The following NAP1L1 variants were observed in gnomAD, a reference collection of about 807,000 sequenced individuals.
NAP1L1 encodes the protein nucleosome assembly protein 1-like 1.
In NAP1L1, 9 loss-of-function variants were observed where a neutral mutation model predicts 58.9. The observed-to-expected ratio is 0.15, with a 90% CI of 0.09 to 0.27. NAP1L1 has a LOEUF of 0.27. NAP1L1 is among the 10% of genes least tolerant of loss of function. The pLI is 1.00. For synonymous variants in NAP1L1, 130 were observed against 138.3 expected, an observed-to-expected ratio of 0.94 and a Z score of 0.42; for missense variants, 302 against 458.8, an observed-to-expected ratio of 0.66 and a Z score of 3.12.
intron 2 of NAP1L1, among the ~76,000 whole-genome samples, chr12:76,070,858 T>A (rs1949921799): frequency 6.6e-6 from 1 of 152,172 alleles, no homozygotes; most frequent in African/African-American, 2.4e-5. Context: ...ATATACCATA[T>A]AAACGTTATG....
chr12:76,048,382 T>C lies in NAP1L1; in HGVS notation c.*47A>G. 6.3e-7 allele frequency: 1 copy of C among 1,598,124 alleles called. No individual in the cohort carries two copies. The highest frequency in any genetic ancestry group is 8.6e-7 in the Non-Finnish European group (1 of 1,168,970). On this transcript the variant is annotated 3_prime_UTR_variant, in exon 15 of 15. Transcript: ENST00000618691. ...GCTGTAAGTAAATAAGAGTTGTGTT[T>C]AGGCTATTACAGTGCAGGTTATCCT...
chr12:76,046,453 A>G lies in NAP1L1; in HGVS notation c.*1976T>C, dbSNP rs1948609440. On this transcript the variant is annotated 3_prime_UTR_variant, in exon 15 of 15. Coordinates refer to ENST00000618691, the MANE Select transcript of NAP1L1 (RefSeq NM_004537.7). ...ATTAAAAATGGGATTCTATCTTTGA[A>G]GTTCAGAAAAAGCTGCATTTCGATG... 6.6e-6 allele frequency: 1 copy of G among 152,404 alleles called. No homozygotes were observed. Among genetic ancestry groups the G allele is most frequent in the African/African-American group, 2.4e-5 (1 of 41,438 alleles). 9.4% of individuals were successfully genotyped at this position (152,404 alleles called of 1,614,324 possible).
At chr12:76,081,447 T>C (rs544487388) in intron 1 of NAP1L1, among the ~76,000 whole-genome samples, 28 of 152,260 alleles carry the variant, frequency 1.8e-4, no homozygotes, top group Non-Finnish European at 3.1e-4. Flanking sequence ...ACTGAAATTA[T>C]AACTCTAGAC....
chr12:76,052,321 T>C (rs1948881494), intron 11 of NAP1L1, among the ~76,000 whole-genome samples: 1 of 152,018 alleles, frequency 6.6e-6, no homozygotes, highest in African/African-American at 2.4e-5. Context: ...GATATGAAAA[T>C]AGTGTGATGC....
At position 76,042,164 on chromosome 12, in the gene NAP1L1, A is replaced by G. The variant is rs1413327578; in HGVS notation, c.*6265T>C. 1 of 152,142 alleles carries G rather than the reference A, an allele frequency of 6.6e-6. No homozygotes were observed. Among genetic ancestry groups the G allele is most frequent in the Non-Finnish European group, 1.5e-5 (1 of 68,024 alleles). 9.4% of individuals were successfully genotyped at this position (152,142 alleles called of 1,614,324 possible). On this transcript the variant is annotated 3_prime_UTR_variant, in exon 15 of 15. Coordinates refer to ENST00000618691, the MANE Select transcript of NAP1L1 (RefSeq NM_004537.7). ...ATGTACACTGAGTAATGCATCCCTT[A>G]CACCTAGGAGGAATTTTGCCTTTGA...
chr12:76,056,305 T>A, intron 6 of NAP1L1, 144 bp from the exon 7 acceptor site: 1 of 754,514 alleles, frequency 1.3e-6, no homozygotes, highest in Non-Finnish European at 2.1e-6. Context: ...CCGTTGCCCA[T>A]AACAAACCTT....
chr12:76,057,603 GT>G, intron 6 of NAP1L1: 1 of 1,153,606 alleles, frequency 8.7e-7, no homozygotes, highest in Non-Finnish European at 1.3e-6. Flanking sequence ...ACAGAGCCAA[GT>G]TAGATGCTGA....
rs1948573152 is a variant in NAP1L1 at position 76,043,793 on chromosome 12, TCATA to T, written c.*4632_*4635del. On this transcript the variant is annotated 3_prime_UTR_variant, in exon 15 of 15. Coordinates refer to ENST00000618691, the MANE Select transcript of NAP1L1 (RefSeq NM_004537.7). The stretch of plus-strand genomic sequence containing the variant: ...GATTCTCAAAATCTCAGCTAAAAGC[TCATA>T]CAAATTTTGAGCCTTCTGGTAGCAA... 6.6e-6 allele frequency: 1 copy of T among 152,268 alleles called. No homozygotes were observed. The highest frequency in any genetic ancestry group is 2.1e-4 in the South Asian group (1 of 4,824). The allele number at this position is 152,268 out of a possible 1,614,324, so 9.4% of individuals were successfully genotyped here.
At chr12:76,073,527 G>A (rs1950054589) in intron 2 of NAP1L1, among the ~76,000 whole-genome samples, 1 of 152,134 alleles carries the variant, frequency 6.6e-6, no homozygotes, top group Non-Finnish European at 1.5e-5. Context: ...CAAAACTTGA[G>A]GCCAGACTAT....
At chr12:76,060,732 GA>G (rs1188925105) in intron 4 of NAP1L1, among the ~76,000 whole-genome samples, 1 of 152,048 alleles carries the variant, frequency 6.6e-6, no homozygotes, top group Non-Finnish European at 1.5e-5. Context: ...ATTTAATTAG[GA>G]ATTAGTAATT....
chr12:76,082,225 C>T (rs147026646), intron 1 of NAP1L1, among the ~76,000 whole-genome samples: 1 of 152,034 alleles, frequency 6.6e-6, no homozygotes, highest in Non-Finnish European at 1.5e-5. Context: ...CTTCTTTAGC[C>T]CCTTCTACAA....
intron 12 of NAP1L1, 75 bp from the exon 13 acceptor site, chr12:76,049,860 A>T (rs1948739966): frequency 2.0e-6 from 3 of 1,493,372 alleles, no homozygotes; most frequent in Non-Finnish European, 2.8e-6. Context: ...AACATTTATC[A>T]CTGTATAAAC....
At chr12:76,055,727 G>C (rs146730994) in intron 7 of NAP1L1, among the ~76,000 whole-genome samples, 3 of 152,290 alleles carry the variant, frequency 2.0e-5, no homozygotes, top group African/African-American at 4.8e-5. Flanking sequence ...GCAGCTATAA[G>C]ATTAACTTTC....
At chr12:76,058,551 T>C (rs2137004595) in intron 6 of NAP1L1, among the ~76,000 whole-genome samples, 2 of 152,144 alleles carry the variant, frequency 1.3e-5, no homozygotes, top group East Asian at 3.9e-4. Context: ...CACACCCAGC[T>C]AATATTTTGT....
At chr12:76,049,142 A>AC in intron 14 of NAP1L1, 58 bp downstream of exon 14, 1 of 1,501,120 alleles carries the variant, frequency 6.7e-7, no homozygotes, top group Non-Finnish European at 9.3e-7. Flanking sequence ...ATTCAAAAAC[A>AC]CCAACTCTTA....
rs973689848 is a variant in NAP1L1, at chr12:76,037,559, T to A, written c.*10870A>T. 3.9e-5 allele frequency: 6 copies of A among 152,204 alleles called. No homozygotes were observed. Among genetic ancestry groups the A allele is most frequent in the African/African-American group, 1.4e-4 (6 of 41,416 alleles). 9.4% of individuals were successfully genotyped at this position (152,204 alleles called of 1,614,324 possible). A position where few individuals can be genotyped will look rare whatever the true frequency, so the allele number is the denominator to read the frequency against. On this transcript the variant is annotated 3_prime_UTR_variant, in exon 15 of 15. Coordinates refer to ENST00000618691, the MANE Select transcript of NAP1L1 (RefSeq NM_004537.7). ...AAACTTCTATTCGCCTCCAATTGTA[T>A]ACATTCCAATTCCTTACCCTTGCAT...
chr12:76,078,924 A>T (rs1161322098), intron 1 of NAP1L1, among the ~76,000 whole-genome samples: 1 of 152,172 alleles, frequency 6.6e-6, no homozygotes, highest in Non-Finnish European at 1.5e-5. Flanking sequence ...AAGTGATGAA[A>T]GACACCAATC....
In NAP1L1 at chr12:76,037,908, CTAA is replaced by C. The variant is rs1195268678; in HGVS notation, c.*10518_*10520del. 6.6e-6 allele frequency: 1 copy of C among 152,132 alleles called. No homozygotes were observed. Among genetic ancestry groups the C allele is most frequent in the African/African-American group, 2.4e-5 (1 of 41,428 alleles). The allele number at this position is 152,132 out of a possible 1,614,324, so 9.4% of individuals were successfully genotyped here. On this transcript the variant is annotated 3_prime_UTR_variant, in exon 15 of 15. Coordinates refer to ENST00000618691, the MANE Select transcript of NAP1L1 (RefSeq NM_004537.7). The stretch of plus-strand genomic sequence containing the variant: ...CAGCACTTAAACTGAGGGGAAATGA[CTAA>C]TGTTTTGTCTGGAAATGTATTGATA...
At chr12:76,071,316 T>C (rs1267981121) in intron 2 of NAP1L1, among the ~76,000 whole-genome samples, 1 of 152,094 alleles carries the variant, frequency 6.6e-6, no homozygotes, top group Non-Finnish European at 1.5e-5. Context: ...GCATCCAAAA[T>C]TAAATAATAA....
Sources: gnomAD v4.1 joint callset for allele counts (sites outside exome capture counted in the v4.1 genomes callset) on GRCh38, gnomAD v4.1.1 for gene constraint, MANE v1.5 for transcripts, NCBI Gene and HGNC (gene_info 2026-07-23, HGNC 2026-07-21) for gene names.